CSMD3: variants seen among roughly 807,000 people sequenced by gnomAD.
The protein encoded by CSMD3 is CUB and Sushi multiple domains 3.
In CSMD3, 177 loss-of-function variants were observed where a neutral mutation model predicts 435.2. The observed-to-expected ratio is 0.41, with a 90% CI of 0.36 to 0.46. CSMD3 has a LOEUF of 0.46. CSMD3 is among the 20% of genes least tolerant of loss of function. The probability of loss-of-function intolerance (pLI) is 0.34; values close to 1 mark genes in which losing one functional copy is unlikely to be tolerated. For missense variants in CSMD3, 4,265 were observed against 4,504.6 expected (o/e 0.95, Z 1.52); for synonymous variants, 1,656 against 1,520.5 (o/e 1.09, Z -2.07).
intron 1 of CSMD3, among the ~76,000 whole-genome samples, chr8:113,324,330 T>C (rs569375852): frequency 6.6e-6 from 1 of 151,640 alleles, no homozygotes; most frequent in Non-Finnish European, 1.5e-5. Flanking sequence ...TAGGAGAAAA[T>C]GGTTTCATGG....
At chr8:113,361,208 C>T (rs2094273541) in intron 1 of CSMD3, among the ~76,000 whole-genome samples, 2 of 152,054 alleles carry the variant, frequency 1.3e-5, no homozygotes. Flanking sequence ...CTTATAATTG[C>T]TTCTTTATTG....
At chr8:112,934,352 T>C (rs1460121755) in intron 9 of CSMD3, among the ~76,000 whole-genome samples, 4 of 152,166 alleles carry the variant, frequency 2.6e-5, no homozygotes, top group Non-Finnish European at 5.9e-5. Context: ...TCCCAAAGTA[T>C]GTTGAGCTTT....
chr8:112,412,682 T>G, intron 32 of CSMD3, among the ~76,000 whole-genome samples: 1 of 152,172 alleles, frequency 6.6e-6, no homozygotes, highest in East Asian at 1.9e-4. Context: ...CTAGTTTTTA[T>G]GCCTGAAACT....
intron 70 of CSMD3, among the ~76,000 whole-genome samples, chr8:112,227,524 T>A (rs1034447369): frequency 2.0e-5 from 3 of 152,192 alleles, no homozygotes; most frequent in African/African-American, 7.2e-5. Flanking sequence ...TGCCACTGAA[T>A]CGTAGTCTTT....
intron 3 of CSMD3, among the ~76,000 whole-genome samples, chr8:113,276,454 T>C (rs945927725): frequency 6.6e-6 from 1 of 151,940 alleles, no homozygotes; most frequent in Non-Finnish European, 1.5e-5. Flanking sequence ...GGCCTCTACG[T>C]GAAGAGGAGA....
rs186763505 is a variant in CSMD3 at position 113,170,963 on chromosome 8, T to C, written c.709+2759A>G. ...TGGGAGTGAAGAGTAGGGAAGTAAA[T>C]ACTCTGGTAGCAGAGTTTAACCCTG... On this transcript the variant is annotated intron_variant, in intron 4 of 70. Transcript: ENST00000297405. Among the ~76,000 whole-genome samples, 887 of 150,874 alleles carry C rather than the reference T, an allele frequency of 5.9e-3. 4 individuals are homozygous for C. The highest frequency in any genetic ancestry group is 0.019 in the African/African-American group (789 of 41,046).
chr8:113,061,922 T>C (rs113254230), intron 5 of CSMD3, among the ~76,000 whole-genome samples: 13 of 151,988 alleles, frequency 8.6e-5, no homozygotes, highest in African/African-American at 3.1e-4. Flanking sequence ...TATTTCATTA[T>C]GTCTTCTTTG....
chr8:112,711,360 C>G (rs960269792), intron 13 of CSMD3, among the ~76,000 whole-genome samples: 1 of 151,956 alleles, frequency 6.6e-6, no homozygotes, highest in Non-Finnish European at 1.5e-5. Context: ...TACACAAAAT[C>G]AAGGCTGTAA....
In CSMD3 at chr8:112,299,822, T is replaced by C. The variant is rs376155951; in HGVS notation, c.8440+1971A>G. 5.3e-5 allele frequency among the ~76,000 whole-genome samples: 8 copies of C among 152,096 alleles called. No homozygotes were observed. The East Asian group carries it at 9.7e-4, about 18-fold the overall frequency. ...CCTACCAACATCCTTTTGCATTTCA[T>C]TGTATATAAACACTGTATTCTCTAC... On this transcript the variant is annotated intron_variant, in intron 53 of 70. Coordinates refer to ENST00000297405, the MANE Select transcript of CSMD3 (RefSeq NM_198123.2).
At chr8:112,919,587 A>T (rs77824456) in intron 10 of CSMD3, among the ~76,000 whole-genome samples, 1 of 151,656 alleles carries the variant, frequency 6.6e-6, no homozygotes, top group Non-Finnish European at 1.5e-5. Context: ...TTTCACATCC[A>T]TTTTTGCTAA....
At chr8:112,806,361 C>A (rs946199128) in intron 12 of CSMD3, among the ~76,000 whole-genome samples, 2 of 152,160 alleles carry the variant, frequency 1.3e-5, no homozygotes, top group East Asian at 3.9e-4. Flanking sequence ...TAACAAATTT[C>A]TCAGTTTCCT....
intron 32 of CSMD3, among the ~76,000 whole-genome samples, chr8:112,467,669 G>A (rs190300320): frequency 5.8e-4 from 88 of 152,210 alleles, no homozygotes; most frequent in Admixed American, 4.6e-4. Context: ...TATCATATTG[G>A]AGTAGAGTGG....
chr8:112,751,203 A>G (rs143858651), intron 13 of CSMD3, among the ~76,000 whole-genome samples: 1 of 152,168 alleles, frequency 6.6e-6, no homozygotes, highest in African/African-American at 2.4e-5. Context: ...TTTATAAATT[A>G]CCCAGTCTGA....
At chr8:112,889,098 A>G (rs1408168202) in intron 10 of CSMD3, among the ~76,000 whole-genome samples, 2 of 151,664 alleles carry the variant, frequency 1.3e-5, no homozygotes, top group Non-Finnish European at 3.0e-5. Context: ...TCTAATGGGA[A>G]AAAGGAAAGT....
intron 4 of CSMD3, among the ~76,000 whole-genome samples, chr8:113,152,111 A>G (rs1012746097): frequency 6.6e-6 from 1 of 150,900 alleles, no homozygotes; most frequent in African/African-American, 2.4e-5. Flanking sequence ...AGAGCTTTTT[A>G]AAACTAGCTT....
chr8:113,346,848 T>C (rs1278189285), intron 1 of CSMD3, among the ~76,000 whole-genome samples: 2 of 152,132 alleles, frequency 1.3e-5, no homozygotes, highest in Non-Finnish European at 2.9e-5. Context: ...CTTTTCTTTA[T>C]AGAGAATATA....
chr8:112,652,670 G>A (rs968938690), intron 18 of CSMD3, among the ~76,000 whole-genome samples: 6 of 152,104 alleles, frequency 3.9e-5, no homozygotes, highest in Admixed American at 1.3e-4. Context: ...TGATTGACAA[G>A]CAAATAACTC....
chr8:112,647,731 CCAT>C (rs1053675649), intron 19 of CSMD3, among the ~76,000 whole-genome samples: 2 of 152,122 alleles, frequency 1.3e-5, no homozygotes, highest in Admixed American at 6.5e-5. Flanking sequence ...AAATAATTCT[CCAT>C]CATCATCATC....
intron 6 of CSMD3, among the ~76,000 whole-genome samples, chr8:113,000,939 T>TC (rs1165036777): frequency 6.6e-6 from 1 of 151,986 alleles, no homozygotes. Flanking sequence ...CATTCTTTTT[T>TC]CCCCCATCTA....
Sources: allele counts gnomAD v4.1 joint callset (sites outside exome capture counted in the v4.1 genomes callset), GRCh38; gene constraint gnomAD v4.1.1; transcripts MANE v1.5; gene names NCBI Gene and HGNC (gene_info 2026-07-23, HGNC 2026-07-21).